PDXDC1: variants seen among roughly 807,000 people sequenced by gnomAD.
PDXDC1 encodes the protein pyridoxal dependent decarboxylase domain containing 1.
In PDXDC1, 42 loss-of-function variants were observed where a neutral mutation model predicts 100.1. The observed-to-expected ratio is 0.42, with a 90% confidence interval of 0.33 to 0.54. The LOEUF (loss-of-function observed/expected upper bound fraction) is 0.54. Ranked by LOEUF, PDXDC1 falls within the 20% of genes least tolerant of loss-of-function variation. The pLI is 0.10. For missense variants in PDXDC1, 636 were observed against 979.2 expected (o/e 0.65, Z 4.68); for synonymous variants, 260 against 371.7 (o/e 0.70, Z 3.46).
intron 6 of PDXDC1, among the ~76,000 whole-genome samples, chr16:15,007,328 G>A (rs558324463): frequency 2.0e-4 from 31 of 152,310 alleles, no homozygotes; most frequent in East Asian, 9.6e-4. Context: ...CCGCCACCAC[G>A]CCCAGATAAT....
chr16:15,035,673 A>T (rs2043383686), intron 22 of PDXDC1, 120 bp downstream of exon 22: 1 of 611,258 alleles, frequency 1.6e-6, no homozygotes, highest in East Asian at 2.9e-5. Context: ...AACTACTACC[A>T]TCTCTTTAAC....
downstream of PDXDC1, chr16:15,040,112 C>G: frequency 1.8e-6 from 2 of 1,083,606 alleles, no homozygotes; most frequent in Non-Finnish European, 2.8e-6. Context: ...AAGACCAAAG[C>G]GGAAAGTCTG....
At position 15,114,611 on chromosome 16, in the gene PDXDC1, CACTG is replaced by C. The variant is rs2047178081; in HGVS notation, c.1400-24265_1400-24262del. 4.4e-6 allele frequency: 5 copies of C among 1,146,536 alleles called. No homozygotes were observed. In the South Asian group the frequency reaches 6.4e-5, roughly 15 times the overall value. The allele number at this position is 1,146,536 out of a possible 1,614,324, so 71.0% of individuals were successfully genotyped here. ...GTTGAAATAATGAAAAGGTCAATGACACTGACAATATTTCACTCAGAAAGAATCA... is the reference window on the plus strand; with the variant it reads ...GTTGAAATAATGAAAAGGTCAATGACACAATATTTCACTCAGAAAGAATCA... On this transcript the variant is annotated intron_variant, in intron 16 of 16. Transcript: ENST00000535621.
At chr16:15,094,222 C>T (rs754905116) in intron 16 of PDXDC1, 16 of 1,591,462 alleles carry the variant, frequency 1.0e-5, no homozygotes, top group South Asian at 9.1e-5. Flanking sequence ...TGTGAAGCAG[C>T]GGTGCCGCCA....
At chr16:15,015,876 A>C (rs1433825201) in intron 8 of PDXDC1, 51 of 861,950 alleles carry the variant, frequency 5.9e-5, no homozygotes, top group Non-Finnish European at 7.9e-5. Context: ...GATCAAGTAG[A>C]TAGAAAATAA....
intron 16 of PDXDC1, among the ~76,000 whole-genome samples, chr16:15,084,484 G>C (rs1038280220): frequency 2.0e-5 from 3 of 152,016 alleles, no homozygotes; most frequent in African/African-American, 7.3e-5. Context: ...AAATGGAAAT[G>C]CCACTTTTTG....
At chr16:15,124,720 C>T (rs1159608525) in intron 16 of PDXDC1, among the ~76,000 whole-genome samples, 4 of 151,838 alleles carry the variant, frequency 2.6e-5, no homozygotes, top group African/African-American at 4.8e-5. Flanking sequence ...TGCAGTGAGC[C>T]GAGATTGCAC....
At chr16:15,038,392 C>T, downstream of PDXDC1, 1 of 620,588 alleles carries the variant, frequency 1.6e-6, no homozygotes, top group South Asian at 2.2e-5. Flanking sequence ...CACACATTTC[C>T]ATCTAGGACT....
At chr16:15,085,270 G>C (rs995197595) in intron 16 of PDXDC1, among the ~76,000 whole-genome samples, 1 of 151,964 alleles carries the variant, frequency 6.6e-6, no homozygotes, top group African/African-American at 2.4e-5. Flanking sequence ...TACATCAAAG[G>C]TTGTCATTTG....
intron 16 of PDXDC1, chr16:15,061,366 C>G (rs2044703901): frequency 4.9e-6 from 1 of 203,272 alleles, no homozygotes; most frequent in Non-Finnish European, 9.8e-6. Flanking sequence ...GACCATGGAT[C>G]TGACAAAAAC....
At chr16:15,098,355 C>A (rs1429557085) in intron 16 of PDXDC1, among the ~76,000 whole-genome samples, 1 of 151,590 alleles carries the variant, frequency 6.6e-6, no homozygotes, top group Non-Finnish European at 1.5e-5. Context: ...TGCCCGCCAC[C>A]ACACCTGGCT....
At chr16:15,068,240 T>C in intron 16 of PDXDC1, 1 of 1,584,314 alleles carries the variant, frequency 6.3e-7, no homozygotes, top group Non-Finnish European at 8.6e-7. Flanking sequence ...GGCTCATCAC[T>C]ATCCGCTCAA....
chr16:15,144,020 C>A (rs2048515204), downstream of PDXDC1, among the ~76,000 whole-genome samples: 1 of 152,212 alleles, frequency 6.6e-6, no homozygotes, highest in Non-Finnish European at 1.5e-5. Context: ...TATGTAACCG[C>A]TCCTCCCTCG....
intron 17 of PDXDC1, 192 bp from the exon 18 acceptor site, chr16:15,032,669 A>AAAAAAAAAAAAAAAAAAAGAGG: frequency 2.2e-6 from 1 of 448,488 alleles, no homozygotes; most frequent in South Asian, 3.2e-5. Context: ...AAAAAAAAAA[A>AAAAAAAAAAAAAAAAAAAGAGG]GGCTTTCCTG....
intron 16 of PDXDC1, among the ~76,000 whole-genome samples, chr16:15,132,418 G>A (rs1304699995): frequency 3.0e-4 from 32 of 106,376 alleles, no homozygotes; most frequent in African/African-American, 1.1e-3. Context: ...CAGGGGAGGG[G>A]CTAGGGGAGG....
chr16:15,141,035 G>A (rs887052387), downstream of PDXDC1, among the ~76,000 whole-genome samples: 4 of 150,266 alleles, frequency 2.7e-5, no homozygotes, highest in African/African-American at 2.5e-5. Flanking sequence ...CTGAGCACCC[G>A]CCCAGCCCCT....
At chr16:15,095,657 G>A (rs2046328560) in intron 16 of PDXDC1, among the ~76,000 whole-genome samples, 2 of 152,092 alleles carry the variant, frequency 1.3e-5, no homozygotes, top group South Asian at 4.1e-4. Context: ...TTTGAGACCA[G>A]CCTGGCCAAC....
chr16:15,046,903 C>T (rs1451332663), intron 16 of PDXDC1, among the ~76,000 whole-genome samples: 2 of 151,956 alleles, frequency 1.3e-5, no homozygotes, highest in African/African-American at 2.4e-5. Context: ...AGAAAAAAAA[C>T]TACATGCCTC....
downstream of PDXDC1, among the ~76,000 whole-genome samples, chr16:15,140,772 C>G (rs1341740378): frequency 1.3e-5 from 2 of 152,234 alleles, no homozygotes; most frequent in Non-Finnish European, 2.9e-5. Context: ...GGTCACCCTG[C>G]CGCCCACCCT....
Sources: allele counts gnomAD v4.1 joint callset (sites outside exome capture counted in the v4.1 genomes callset), GRCh38; gene constraint gnomAD v4.1.1; transcripts MANE v1.5; gene names NCBI Gene and HGNC (gene_info 2026-07-23, HGNC 2026-07-21).